Variants in TIMM21 observed in about 807,000 individuals in gnomAD.
TIMM21 encodes the protein translocase of inner mitochondrial membrane 21.
In TIMM21, 30 loss-of-function variants were observed where a neutral mutation model predicts 27.7. That is an observed-to-expected ratio of 1.08 (90% confidence interval 0.81 to 1.47). The LOEUF (loss-of-function observed/expected upper bound fraction) is 1.47, where lower values mean the gene tolerates loss of function less well. TIMM21 is among the 40% of genes most tolerant of loss of function. TIMM21 has a pLI of 0.00. For missense variants in TIMM21, 292 were observed against 302.9 expected (o/e 0.96, Z 0.27); for synonymous variants, 121 against 114.4 (o/e 1.06, Z -0.37).
At position 74,158,509 on chromosome 18, in the gene TIMM21, C is replaced by A; in HGVS notation, c.*29C>A. 4 of 1,311,378 alleles carry A rather than the reference C, an allele frequency of 3.1e-6. No homozygotes were observed. Among genetic ancestry groups the A allele is most frequent in the Non-Finnish European group, 4.3e-6 (4 of 926,460 alleles). The allele number at this position is 1,311,378 out of a possible 1,614,324, so 81.2% of individuals were successfully genotyped here. ...AGGGTTTCTGATGGATGTTGAATGG[C>A]GTGGACTCGCTACTCCGTTCTTCAC... On this transcript the variant is annotated 3_prime_UTR_variant, in exon 6 of 6. Transcript: ENST00000169551.
At chr18:74,158,133 T>C (rs1980003424) in intron 4 of TIMM21, 38 bp from the exon 5 acceptor site, 1 of 1,613,808 alleles carries the variant, frequency 6.2e-7, no homozygotes, top group South Asian at 1.1e-5. Context: ...GATTTTTAAA[T>C]GAAAGGAACT....
Position 74,152,666 on chromosome 18 carries a change from C to T in TIMM21, c.302-2479C>T, listed in dbSNP as rs1009709694. Reference sequence around the variant, plus strand: ...AGGGTCCTCATTGCCAGCCAGTGGCCGGCAAGCCAGCTCCAAAATCCAAAT... The same window carrying T: ...AGGGTCCTCATTGCCAGCCAGTGGCTGGCAAGCCAGCTCCAAAATCCAAAT... On this transcript the variant is annotated intron_variant, in intron 1 of 5. Coordinates refer to ENST00000169551, the MANE Select transcript of TIMM21 (RefSeq NM_014177.3). This position sits in a 1 kb window ranked among gnomAD's most constrained non-coding sequence, Gnocchi z 4.1. Among the ~76,000 whole-genome samples, 7 of 152,196 alleles carry T rather than the reference C, an allele frequency of 4.6e-5. No homozygotes were observed. Among genetic ancestry groups the T allele is most frequent in the East Asian group, 1.9e-4 (1 of 5,194 alleles).
At position 74,148,729 on chromosome 18, in the gene TIMM21, C is replaced by G. The variant is rs1256204688; in HGVS notation, c.-80C>G. On this transcript the variant is annotated 5_prime_UTR_variant, in exon 1 of 6. Transcript: ENST00000169551. ...TAAACGTATAGGCTTGAGTACGTGT[C>G]CGGCCGCATGTGTAGTGAACCCTAA... is the stretch of plus-strand genomic sequence containing the variant. 2 of 1,410,048 alleles carry G rather than the reference C, an allele frequency of 1.4e-6. No individual in the cohort carries two copies. Among genetic ancestry groups the G allele is most frequent in the Non-Finnish European group, 1.9e-6 (2 of 1,029,418 alleles). 87.3% of individuals were successfully genotyped at this position (1,410,048 alleles called of 1,614,324 possible).
chr18:74,156,363 G>C (rs1299405290), intron 3 of TIMM21: 2 of 391,652 alleles, frequency 5.1e-6, no homozygotes, highest in Non-Finnish European at 8.9e-6. Flanking sequence ...TGGGGCCCCG[G>C]CTCTGAATGT....
intron 1 of TIMM21, among the ~76,000 whole-genome samples, chr18:74,153,246 G>A (rs891464640): frequency 5.3e-5 from 8 of 152,214 alleles, no homozygotes; most frequent in African/African-American, 1.9e-4. Context: ...TTTCAAGTGT[G>A]TAGAATATGG....
chr18:74,149,571 T>G (rs1048462258), intron 1 of TIMM21, among the ~76,000 whole-genome samples: 1 of 151,992 alleles, frequency 6.6e-6, no homozygotes, highest in Non-Finnish European at 1.5e-5. Context: ...TGTCTTCATT[T>G]CGCATGTGAT....
chr18:74,155,648 A>G (rs1979931760), intron 3 of TIMM21, among the ~76,000 whole-genome samples: 1 of 152,224 alleles, frequency 6.6e-6, no homozygotes. Context: ...TAGATACTAA[A>G]TTTTTAGAAT....
chr18:74,150,966 A>C (rs1979785683), intron 1 of TIMM21, among the ~76,000 whole-genome samples: 1 of 152,198 alleles, frequency 6.6e-6, no homozygotes, highest in Non-Finnish European at 1.5e-5. Context: ...CAAAGGAACT[A>C]AAGTGGGAGT....
chr18:74,153,695 C>G (rs1163443670), intron 1 of TIMM21, among the ~76,000 whole-genome samples: 1 of 152,202 alleles, frequency 6.6e-6, no homozygotes, highest in Admixed American at 6.5e-5. Context: ...GGGAACCTTG[C>G]TGAAAACTTG....
rs1979846660 is a variant in TIMM21 at position 74,152,780 on chromosome 18, C to G, written c.302-2365C>G. On this transcript the variant is annotated intron_variant, in intron 1 of 5. Coordinates refer to ENST00000169551, the MANE Select transcript of TIMM21 (RefSeq NM_014177.3). The surrounding 1 kb of genome is among the most constrained non-coding windows in gnomAD (Gnocchi z 4.1). ...TGCGTAAGGTTTATCAGGGAGTGCTCTCAGAATACGTCTTGAGGGATGAGG... is the reference window on the plus strand; with the variant it reads ...TGCGTAAGGTTTATCAGGGAGTGCTGTCAGAATACGTCTTGAGGGATGAGG... Among the ~76,000 whole-genome samples, 1 of 152,200 alleles carries G rather than the reference C, an allele frequency of 6.6e-6. No individual in the cohort carries two copies. Among genetic ancestry groups the G allele is most frequent in the Admixed American group, 6.5e-5 (1 of 15,282 alleles).
At chr18:74,158,300 G>A (rs1980010357) in intron 5 of TIMM21, 24 bp downstream of exon 5, 7 of 1,612,296 alleles carry the variant, frequency 4.3e-6, no homozygotes, top group Admixed American at 1.7e-5. Context: ...GGGATGTGGG[G>A]TCAGAGGTTC....
intron 1 of TIMM21, among the ~76,000 whole-genome samples, chr18:74,150,450 G>A (rs1979770231): frequency 6.6e-6 from 1 of 152,178 alleles, no homozygotes; most frequent in Admixed American, 6.5e-5. Flanking sequence ...TGAGTGGCAA[G>A]TGGCTACTGT....
chr18:74,153,303 GTTGT>G (rs1979861921), intron 1 of TIMM21, among the ~76,000 whole-genome samples: 1 of 152,192 alleles, frequency 6.6e-6, no homozygotes, highest in South Asian at 2.1e-4. Context: ...TACAGGAGCT[GTTGT>G]TTATCAAATA....
chr18:74,158,362 T>A lies in TIMM21; in HGVS notation c.643-14T>A, dbSNP rs191289349. On this transcript the variant is annotated splice_polypyrimidine_tract_variant and intron_variant, in intron 5 of 5. Transcript: ENST00000169551. ...AAAGGAAAATAATACCTGGAAACAC[T>A]ACATTTTTTTCAGAACCCAGGAAGT... 6.5e-5 allele frequency: 105 copies of A among 1,605,822 alleles called. No individual in the cohort carries two copies. In the East Asian group the frequency reaches 2.3e-3, roughly 35 times the overall value.
intron 1 of TIMM21, among the ~76,000 whole-genome samples, chr18:74,151,825 T>G (rs1255881280): frequency 6.6e-6 from 1 of 151,952 alleles, no homozygotes; most frequent in Non-Finnish European, 1.5e-5. Context: ...CCAGGGTGCT[T>G]GCCTGGTTGC....
Position 74,152,371 on chromosome 18 carries a change from T to C in TIMM21, c.302-2774T>C, listed in dbSNP as rs918151244. 9.2e-5 allele frequency among the ~76,000 whole-genome samples: 14 copies of C among 152,188 alleles called. No individual in the cohort carries two copies. The highest frequency in any genetic ancestry group is 2.0e-4 in the Admixed American group (3 of 15,282). On this transcript the variant is annotated intron_variant, in intron 1 of 5. Transcript: ENST00000169551. The surrounding 1 kb of genome is among the most constrained non-coding windows in gnomAD (Gnocchi z 4.1). ...TCTGGGTGCAATTTGAGTCTTGTTC[T>C]GCCGGGGAGGAGGCTCCTGCCCTTG... is the stretch of plus-strand genomic sequence containing the variant.
intron 3 of TIMM21, chr18:74,156,331 A>G (rs2121921758): frequency 2.5e-6 from 1 of 398,472 alleles, no homozygotes; most frequent in South Asian, 1.3e-4. Context: ...TGCTCAGTAT[A>G]GAGCCCGGTG....
In TIMM21 at chr18:74,158,028, T is replaced by TGGTGAGTCTGTTA; in HGVS notation, c.478_490dup (p.Lys164ArgfsTer2). On this transcript the variant is annotated frameshift_variant, in exon 4 of 6. Coordinates refer to ENST00000169551, the MANE Select transcript of TIMM21 (RefSeq NM_014177.3). LOFTEE classifies it high-confidence loss of function. The stretch of plus-strand genomic sequence containing the variant: ...TTGTTCTGCAGGTGATCGGTGTCTT[T>TGGTGAGTCTGTTA]GGTGAGTCTGTTAAAGGCTATGGGG... 6.2e-7 allele frequency: 1 copy of TGGTGAGTCTGTTA among 1,614,198 alleles called. No individual in the cohort carries two copies. The highest frequency in any genetic ancestry group is 8.5e-7 in the Non-Finnish European group (1 of 1,180,046).
chr18:74,158,994 C>T lies in TIMM21; in HGVS notation c.*514C>T, dbSNP rs556276198. The T allele has an allele frequency of 8.1e-5, 13 of 160,328 alleles. No individual in the cohort carries two copies. The highest frequency in any genetic ancestry group is 1.9e-4 in the African/African-American group (8 of 41,542). The allele number at this position is 160,328 out of a possible 1,614,324, so 9.9% of individuals were successfully genotyped here. The stretch of plus-strand genomic sequence containing the variant: ...TTTTAGGAATCTGTCTCATATTTCG[C>T]GCTTCATGAATTAAGGGCCTAGTAC... On this transcript the variant is annotated 3_prime_UTR_variant, in exon 6 of 6. Transcript: ENST00000169551.
Sources: allele counts gnomAD v4.1 joint callset (sites outside exome capture counted in the v4.1 genomes callset), GRCh38; gene constraint gnomAD v4.1.1; non-coding constraint Gnocchi (gnomAD v3.1); transcripts MANE v1.5; gene names NCBI Gene and HGNC (gene_info 2026-07-23, HGNC 2026-07-21).